The following SLC12A8 variants were observed in gnomAD, a reference collection of about 807,000 sequenced individuals.
SLC12A8 encodes solute carrier family 12 member 8.
SLC12A8 carries 69 observed loss-of-function variants against 75.6 expected under a neutral mutation model. The ratio of observed to expected loss-of-function variants is 0.91; its 90% CI spans 0.75 to 1.11. SLC12A8 has a LOEUF of 1.11. Among genes scored for constraint, SLC12A8 ranks in the 50% most tolerant of loss-of-function variants. SLC12A8 has a pLI of 0.00. For synonymous variants in SLC12A8, 365 were observed against 372.8 expected (o/e 0.98, Z 0.24); for missense variants, 877 against 896.7 (o/e 0.98, Z 0.28).
At chr3:125,140,940 C>T (rs113287955) in intron 5 of SLC12A8, among the ~76,000 whole-genome samples, 2,038 of 152,250 alleles carry the variant, frequency 0.013, 48 homozygotes, top group African/African-American at 0.047. Flanking sequence ...CTTTGCCTCT[C>T]TGTTGGGCTT....
At chr3:125,154,847 T>C (rs1333330164) in intron 5 of SLC12A8, 3 of 152,214 alleles carry the variant, frequency 2.0e-5, no homozygotes, top group Non-Finnish European at 4.4e-5. Flanking sequence ...TGATGTAAGA[T>C]GATAAAACGC....
At chr3:125,190,694 C>T (rs913996199) in intron 2 of SLC12A8, among the ~76,000 whole-genome samples, 173 bp from the exon 3 acceptor site, 14 of 152,236 alleles carry the variant, frequency 9.2e-5, no homozygotes, top group African/African-American at 1.7e-4. Flanking sequence ...CACACACATG[C>T]GCACACACAC....
chr3:125,086,025 C>T (rs1351432831), intron 13 of SLC12A8, among the ~76,000 whole-genome samples: 1 of 152,202 alleles, frequency 6.6e-6, no homozygotes, highest in East Asian at 1.9e-4. Flanking sequence ...CTGCCTCAGC[C>T]TCCTCAGTAC....
chr3:125,208,948 G>A (rs1364542659), intron 2 of SLC12A8, among the ~76,000 whole-genome samples: 2 of 152,012 alleles, frequency 1.3e-5, no homozygotes, highest in Admixed American at 1.3e-4. Flanking sequence ...TAATCACCGT[G>A]ACCAAGAGAA....
At chr3:125,165,197 G>A (rs898689226) in intron 5 of SLC12A8, among the ~76,000 whole-genome samples, 1 of 152,194 alleles carries the variant, frequency 6.6e-6, no homozygotes, top group Non-Finnish European at 1.5e-5. Flanking sequence ...CACCCCACCA[G>A]CCCAGAAGGA....
intron 10 of SLC12A8, among the ~76,000 whole-genome samples, chr3:125,093,258 G>A (rs1187309198): frequency 6.6e-6 from 1 of 152,184 alleles, no homozygotes; most frequent in Non-Finnish European, 1.5e-5. Flanking sequence ...AACTTCAGGT[G>A]TTCTCAACCT....
chr3:125,207,303 G>C (rs1451379937), intron 2 of SLC12A8, among the ~76,000 whole-genome samples: 1 of 152,212 alleles, frequency 6.6e-6, no homozygotes, highest in Non-Finnish European at 1.5e-5. Context: ...TGGTAGAGCA[G>C]AATGCAGAAA....
At chr3:125,166,516 G>A (rs770724940) in intron 5 of SLC12A8, among the ~76,000 whole-genome samples, 2 of 152,210 alleles carry the variant, frequency 1.3e-5, no homozygotes, top group Non-Finnish European at 2.9e-5. Context: ...AAGCCCCGCT[G>A]GGTGGCAGAC....
chr3:125,185,359 T>TAA (rs200494148), intron 4 of SLC12A8, among the ~76,000 whole-genome samples: 8,733 of 126,964 alleles, frequency 0.069, 347 homozygotes, highest in East Asian at 0.21. Flanking sequence ...ATTCCCAGAT[T>TAA]AAAAAAAAAA....
intron 5 of SLC12A8, among the ~76,000 whole-genome samples, chr3:125,173,998 A>T (rs114267974): frequency 0.57 from 85,986 of 151,496 alleles, 25,228 homozygotes; most frequent in East Asian, 0.77. Context: ...AGGCTGAGGC[A>T]TAAGAATTGC....
chr3:125,165,516 G>A (rs1934266351), intron 5 of SLC12A8, among the ~76,000 whole-genome samples: 1 of 152,206 alleles, frequency 6.6e-6, no homozygotes, highest in Non-Finnish European at 1.5e-5. Flanking sequence ...CCTGCTGGGA[G>A]GACGATTCTA....
rs370381069 is a variant in SLC12A8, at chr3:125,120,728, C to G, written c.737-42G>C. On this transcript the variant is annotated intron_variant, in intron 6 of 13. Coordinates refer to ENST00000469902, the MANE Select transcript of SLC12A8 (RefSeq NM_024628.6). ...TGGGGAATGGGGTGAGCAGCCTCCT[C>G]CACGCATCGCCTTCCCCAGGGCTGC... is the stretch of plus-strand genomic sequence containing the variant. 2.1e-6 allele frequency: 3 copies of G among 1,455,680 alleles called. No homozygotes were observed. The South Asian group carries it at 3.5e-5, about 17-fold the overall frequency. The allele number at this position is 1,455,680 out of a possible 1,614,324, so 90.2% of individuals were successfully genotyped here.
At chr3:125,150,979 C>A (rs1933907388) in intron 5 of SLC12A8, among the ~76,000 whole-genome samples, 1 of 152,200 alleles carries the variant, frequency 6.6e-6, no homozygotes, top group African/African-American at 2.4e-5. Flanking sequence ...CACACACACA[C>A]ACCAAGTTTC....
intron 9 of SLC12A8, among the ~76,000 whole-genome samples, chr3:125,108,364 CTT>C (rs113688336): frequency 2.1e-5 from 3 of 145,926 alleles, no homozygotes; most frequent in Non-Finnish European, 3.0e-5. Context: ...GCATTAGCAA[CTT>C]TTTTTTTTTT....
At position 125,107,498 on chromosome 3, in the gene SLC12A8, G is replaced by T. The variant is rs577293115; in HGVS notation, c.1688C>A (p.Ser563Ter). The T allele has an allele frequency of 2.5e-6, 4 of 1,609,274 alleles. No homozygotes were observed. The South Asian group carries it at 4.4e-5, about 18-fold the overall frequency. ...GCACTCACCTTCTCCACTGGACTCT[G>T]ATTGGTTGCACAGCTCAGGAACAAG... ...EQLVPELCNQ[S>*]ESSGEDFFLK... Residue 563 changes from serine to a stop codon, truncating the protein, a stop_gained, in exon 10 of 14, where the codon TCA (serine) becomes TAA (stop). Coordinates refer to ENST00000469902, the MANE Select transcript of SLC12A8 (RefSeq NM_024628.6). LOFTEE classifies it high-confidence loss of function.
chr3:125,107,030 A>T (rs957340797), intron 10 of SLC12A8, among the ~76,000 whole-genome samples: 6 of 152,348 alleles, frequency 3.9e-5, no homozygotes, highest in Middle Eastern at 3.4e-3. Flanking sequence ...GATTTGAGAA[A>T]ACAAAGCTTG....
intron 2 of SLC12A8, among the ~76,000 whole-genome samples, chr3:125,193,581 C>T (rs1934948687): frequency 6.6e-6 from 1 of 152,220 alleles, no homozygotes; most frequent in Non-Finnish European, 1.5e-5. Context: ...AGCTCCTGCT[C>T]TGACAGGCTG....
rs1938391742 is a variant in SLC12A8 at position 125,083,911 on chromosome 3, C to T, written c.2124G>A (p.Glu708=). Residue 708 remains glutamate (E), a synonymous_variant, in exon 14 of 14, where the codon GAG becomes GAA. Transcript: ENST00000469902. ...GCATCTAGTAGTGAGGCATCAGCTG[C>T]TCCCGGTTCACGAGGGAGGAGTGGT... ...RYHHSSLVNR[E]QLMPHY The T allele has an allele frequency of 6.2e-7, 1 of 1,613,138 alleles. No individual in the cohort carries two copies. Among genetic ancestry groups the T allele is most frequent in the Non-Finnish European group, 8.5e-7 (1 of 1,179,668 alleles).
intron 5 of SLC12A8, among the ~76,000 whole-genome samples, chr3:125,167,544 C>A (rs962771107): frequency 6.6e-6 from 1 of 152,130 alleles, no homozygotes; most frequent in African/African-American, 2.4e-5. Flanking sequence ...AGGATCTCCA[C>A]GGGCCTTGGG....
Sources: gnomAD v4.1 joint callset for allele counts (sites outside exome capture counted in the v4.1 genomes callset) on GRCh38, gnomAD v4.1.1 for gene constraint, MANE v1.5 for transcripts, NCBI Gene and HGNC (gene_info 2026-07-23, HGNC 2026-07-21) for gene names.